Variants in PDGFC observed in about 807,000 individuals in gnomAD.
The protein encoded by PDGFC is platelet-derived growth factor C.
A neutral mutation model predicts 35.5 loss-of-function variants in PDGFC; 12 were observed. The observed-to-expected ratio is 0.34, with a 90% CI of 0.22 to 0.55. The LOEUF is 0.55. Among genes scored for constraint, PDGFC ranks in the 20% least tolerant of loss-of-function variants. The pLI is 0.91. For missense variants in PDGFC, 322 were observed against 412.4 expected, an observed-to-expected ratio of 0.78 and a Z score of 1.90; for synonymous variants, 159 against 148.8, an observed-to-expected ratio of 1.07 and a Z score of -0.50.
At chr4:156,948,404 C>T (rs912281753) in intron 1 of PDGFC, among the ~76,000 whole-genome samples, 29 of 151,846 alleles carry the variant, frequency 1.9e-4, no homozygotes, top group African/African-American at 7.0e-4. Context: ...TTGACTATAT[C>T]CACATCGAGC....
intron 1 of PDGFC, chr4:156,876,715 A>T (rs1263057544): frequency 6.6e-6 from 1 of 152,174 alleles, no homozygotes; most frequent in African/African-American, 2.4e-5. Flanking sequence ...CTTCTTCATA[A>T]TATAGAGCTT....
intron 1 of PDGFC, among the ~76,000 whole-genome samples, chr4:156,872,002 T>A (rs1729996397): frequency 1.3e-5 from 2 of 151,248 alleles, no homozygotes; most frequent in South Asian, 4.2e-4. Context: ...ATGGCAAATT[T>A]TAAGGAAAAC....
chr4:156,903,894 A>C (rs1730852813), intron 1 of PDGFC, among the ~76,000 whole-genome samples: 1 of 152,182 alleles, frequency 6.6e-6, no homozygotes, highest in Non-Finnish European at 1.5e-5. Flanking sequence ...CTAGACCCAA[A>C]GATCATGATA....
chr4:156,904,583 C>T lies in PDGFC; in HGVS notation c.119-54167G>A, dbSNP rs553315805. 1.4e-4 allele frequency among the ~76,000 whole-genome samples: 22 copies of T among 152,200 alleles called. No individual in the cohort carries two copies. The South Asian group carries it at 3.5e-3, about 24-fold the overall frequency. On this transcript the variant is annotated intron_variant, in intron 1 of 5. Coordinates refer to ENST00000502773, the MANE Select transcript of PDGFC (RefSeq NM_016205.3). ...ATAATCTCTTAAGATTTTTATGTGA[C>T]ATATCTTAGTAGATACAAAGACATA...
intron 1 of PDGFC, among the ~76,000 whole-genome samples, chr4:156,885,168 C>CAT (rs1730345846): frequency 6.6e-6 from 1 of 151,950 alleles, no homozygotes; most frequent in Admixed American, 6.6e-5. Context: ...CACACACACA[C>CAT]ACACACACAC....
intron 1 of PDGFC, among the ~76,000 whole-genome samples, chr4:156,928,201 G>T (rs1360673309): frequency 6.6e-6 from 1 of 151,998 alleles, no homozygotes; most frequent in Non-Finnish European, 1.5e-5. Flanking sequence ...ATTTGGGTGG[G>T]GACACAGAGC....
At chr4:156,959,959 TTTAAAA>T (rs1732301973) in intron 1 of PDGFC, among the ~76,000 whole-genome samples, 1 of 152,018 alleles carries the variant, frequency 6.6e-6, no homozygotes, top group Non-Finnish European at 1.5e-5. Context: ...CAAAAACTTC[TTTAAAA>T]TAAGAATAGA....
chr4:156,965,233 A>T (rs1732437780), intron 1 of PDGFC, among the ~76,000 whole-genome samples: 1 of 152,180 alleles, frequency 6.6e-6, no homozygotes, highest in African/African-American at 2.4e-5. Flanking sequence ...GTTAGAGTTA[A>T]CAGCATAGTC....
chr4:156,928,779 A>T (rs1447282654), intron 1 of PDGFC, among the ~76,000 whole-genome samples: 1 of 152,232 alleles, frequency 6.6e-6, no homozygotes, highest in Non-Finnish European at 1.5e-5. Flanking sequence ...GAATTTAGCC[A>T]TAATAGACTT....
intron 1 of PDGFC, among the ~76,000 whole-genome samples, chr4:156,962,332 C>T (rs1239985115): frequency 6.6e-6 from 1 of 152,098 alleles, no homozygotes; most frequent in African/African-American, 2.4e-5. Flanking sequence ...CCCTCTCAGA[C>T]CCGCTTCAAA....
chr4:156,856,236 C>A (rs1324768047), intron 1 of PDGFC, among the ~76,000 whole-genome samples: 1 of 152,124 alleles, frequency 6.6e-6, no homozygotes, highest in African/African-American at 2.4e-5. Flanking sequence ...ATTCAGTAAA[C>A]CACGGAACTA....
intron 2 of PDGFC, among the ~76,000 whole-genome samples, chr4:156,819,549 A>G (rs990095750): frequency 2.0e-5 from 3 of 152,232 alleles, no homozygotes; most frequent in African/African-American, 7.2e-5. Flanking sequence ...GGTTTACTAA[A>G]TATTTTAAAC....
intron 2 of PDGFC, among the ~76,000 whole-genome samples, chr4:156,829,241 T>C (rs973189791): frequency 2.6e-5 from 4 of 152,142 alleles, no homozygotes; most frequent in African/African-American, 4.8e-5. Context: ...CAGAAATGGA[T>C]TGTTGAACGA....
chr4:156,866,596 A>T (rs1303971826), intron 1 of PDGFC, among the ~76,000 whole-genome samples: 1 of 152,084 alleles, frequency 6.6e-6, no homozygotes, highest in Non-Finnish European at 1.5e-5. Flanking sequence ...TTTCATGCAT[A>T]CACTACATTA....
intron 3 of PDGFC, among the ~76,000 whole-genome samples, chr4:156,795,146 G>A (rs1330581811): frequency 6.6e-6 from 1 of 152,102 alleles, no homozygotes; most frequent in African/African-American, 2.4e-5. Flanking sequence ...ACTAGCACCT[G>A]TTGTTTTAAT....
At chr4:156,865,736 T>G (rs1035103223) in intron 1 of PDGFC, among the ~76,000 whole-genome samples, 1 of 152,240 alleles carries the variant, frequency 6.6e-6, no homozygotes, top group Non-Finnish European at 1.5e-5. Context: ...CATAGATTGA[T>G]GACAAAGCTG....
chr4:156,935,064 C>T (rs1579110314), intron 1 of PDGFC, among the ~76,000 whole-genome samples: 1 of 152,240 alleles, frequency 6.6e-6, no homozygotes, highest in East Asian at 1.9e-4. Flanking sequence ...GGCATGATCT[C>T]GGCTCACTGC....
At chr4:156,842,295 C>T (rs1398110191) in intron 2 of PDGFC, 1 of 151,998 alleles carries the variant, frequency 6.6e-6, no homozygotes, top group East Asian at 1.9e-4. Context: ...AACCCTATTC[C>T]CATTCCTACC....
chr4:156,940,270 T>C lies in PDGFC; in HGVS notation c.118+30516A>G, dbSNP rs376893924. Among the ~76,000 whole-genome samples the C allele has an allele frequency of 5.3e-5, 8 of 152,092 alleles. No homozygotes were observed. The East Asian group carries it at 1.4e-3, about 26-fold the overall frequency. On this transcript the variant is annotated intron_variant, in intron 1 of 5. Transcript: ENST00000502773. ...GAAAAAGTTCAAAAATTACAGTACT[T>C]AATCCAGAGAGTTAAGCCAGTCTTT...
Sources: allele counts gnomAD v4.1 joint callset (sites outside exome capture counted in the v4.1 genomes callset), GRCh38; gene constraint gnomAD v4.1.1; transcripts MANE v1.5; gene names NCBI Gene and HGNC (gene_info 2026-07-23, HGNC 2026-07-21).